The following ALS2 variants were observed in gnomAD, a reference collection of about 807,000 sequenced individuals.
The protein encoded by ALS2 is alsin.
Under a neutral mutation model 203.4 loss-of-function variants are expected in ALS2, and 117 were observed. The observed-to-expected ratio is 0.58, with a 90% CI of 0.50 to 0.67. The LOEUF (loss-of-function observed/expected upper bound fraction) is 0.67. Ranked by LOEUF, ALS2 falls within the 30% of genes least tolerant of loss-of-function variation. The pLI is 0.00. For synonymous variants in ALS2, 718 were observed against 725.9 expected, an observed-to-expected ratio of 0.99 and a Z score of 0.17; for missense variants, 1,715 against 1,989.4, an observed-to-expected ratio of 0.86 and a Z score of 2.62.
chr2:201,742,901 G>A (rs891734998), intron 10 of ALS2, among the ~76,000 whole-genome samples: 15 of 151,818 alleles, frequency 9.9e-5, no homozygotes, highest in African/African-American at 3.1e-4. Context: ...GCAAAACCCC[G>A]TCTCTATTAA....
chr2:201,753,467 T>A (rs1574769510), intron 6 of ALS2, among the ~76,000 whole-genome samples: 1 of 152,352 alleles, frequency 6.6e-6, no homozygotes, highest in East Asian at 1.9e-4. Context: ...TAATTTAGAA[T>A]CTGTTAAGAA....
At chr2:201,738,269 G>C (rs537504851) in intron 12 of ALS2, among the ~76,000 whole-genome samples, 7 of 152,208 alleles carry the variant, frequency 4.6e-5, no homozygotes, top group Admixed American at 3.3e-4. Flanking sequence ...TATTTACCCA[G>C]AAGCTAAATG....
intron 25 of ALS2, among the ~76,000 whole-genome samples, chr2:201,712,167 T>C (rs930520860): frequency 6.6e-5 from 10 of 152,256 alleles, no homozygotes; most frequent in Admixed American, 6.5e-4. Context: ...TATGGTTTAC[T>C]TTAAGTATCA....
Position 201,728,516 on chromosome 2 carries a change from G to C in ALS2, c.2837C>G (p.Ala946Gly), listed in dbSNP as rs781244061. Residue 946 changes from alanine to glycine, a missense_variant, in exon 15 of 34, where the codon GCC (alanine) becomes GGC (glycine). By Grantham distance (60) the Ala-to-Gly change is moderately conservative. Coordinates refer to ENST00000264276, the MANE Select transcript of ALS2 (RefSeq NM_020919.4). The stretch of plus-strand genomic sequence containing the variant: ...AAGGTTAGGAATCCAGCCTACCTGG[G>C]CATGGACCAGGGCATCATTAAAGAG... ...FILFNDALVH[A>G]QFSTHHVFPL... 13 of 1,613,926 alleles carry C rather than the reference G, an allele frequency of 8.1e-6. No homozygotes were observed. Among genetic ancestry groups the C allele is most frequent in the African/African-American group, 1.3e-5 (1 of 74,922 alleles).
intron 1 of ALS2, among the ~76,000 whole-genome samples, chr2:201,770,449 CA>C (rs1694324095): frequency 2.8e-5 from 1 of 35,864 alleles, no homozygotes; most frequent in Non-Finnish European, 7.6e-5. Flanking sequence ...CACCACCACT[CA>C]TTTTTTTTTT....
intron 10 of ALS2, 108 bp downstream of exon 10, chr2:201,744,150 A>G: frequency 8.0e-7 from 1 of 1,247,538 alleles, no homozygotes; most frequent in Non-Finnish European, 1.2e-6. Flanking sequence ...AAGACAGTGC[A>G]TAGCAAGAAG....
chr2:201,741,483 T>C, intron 11 of ALS2, 191 bp downstream of exon 11: 2 of 583,340 alleles, frequency 3.4e-6, no homozygotes, highest in South Asian at 4.1e-5. Flanking sequence ...TATTTTTAAA[T>C]TTTTTTTCAT....
intron 7 of ALS2, among the ~76,000 whole-genome samples, chr2:201,751,067 G>A (rs902988680): frequency 4.6e-5 from 7 of 151,968 alleles, no homozygotes; most frequent in Non-Finnish European, 7.4e-5. Context: ...TGGCCAGGCT[G>A]GTCTTGAACT....
chr2:201,713,403 C>T (rs984892190), intron 25 of ALS2, among the ~76,000 whole-genome samples: 10 of 152,184 alleles, frequency 6.6e-5, no homozygotes, highest in African/African-American at 2.2e-4. Context: ...ATTACAGGTG[C>T]ATGCCACCAT....
rs7593699 is a variant in ALS2, at chr2:201,733,205, G to T, written c.2580+71C>A. 145 of 1,492,296 alleles carry T rather than the reference G, an allele frequency of 9.7e-5. No homozygotes were observed. The African/African-American group carries it at 1.9e-3, about 19-fold the overall frequency. The allele number at this position is 1,492,296 out of a possible 1,614,324, so 92.4% of individuals were successfully genotyped here. A position where few individuals can be genotyped will look rare whatever the true frequency, so the allele number is the denominator to read the frequency against. ...TTACTGGAGTTCCAGATCTTGTGGT[G>T]GCATAATCCATACAAACAACTATGA... On this transcript the variant is annotated intron_variant, in intron 13 of 33. Transcript: ENST00000264276.
rs529340426 is a variant in ALS2 at position 201,730,726 on chromosome 2, A to C, written c.2581-1543T>G. Among the ~76,000 whole-genome samples the C allele has an allele frequency of 3.3e-5, 5 of 152,336 alleles. No homozygotes were observed. In the East Asian group the frequency reaches 9.6e-4, roughly 29 times the overall value. ...TCTTGAAAAACTGCCACACTTCAGC[A>C]TGCAGCAGAGCTGCTTTACATGTAC... On this transcript the variant is annotated intron_variant, in intron 13 of 33. Transcript: ENST00000264276.
At chr2:201,719,665 C>A (rs759130076) in intron 23 of ALS2, among the ~76,000 whole-genome samples, 10 of 152,312 alleles carry the variant, frequency 6.6e-5, no homozygotes, top group Middle Eastern at 3.4e-3. Context: ...GCCCTTCCAT[C>A]TTTTGCTATG....
chr2:201,756,413 G>A (rs1432424426), intron 5 of ALS2, among the ~76,000 whole-genome samples: 1 of 152,078 alleles, frequency 6.6e-6, no homozygotes, highest in African/African-American at 2.4e-5. Context: ...TGTTCAGTAA[G>A]TAGAACAAGG....
intron 5 of ALS2, 36 bp downstream of exon 5, chr2:201,757,366 C>T: frequency 1.9e-6 from 3 of 1,578,472 alleles, no homozygotes; most frequent in Non-Finnish European, 2.6e-6. Flanking sequence ...CTGGATTCCC[C>T]AAAAGTCAAT....
rs1428463924 is a variant in ALS2, at chr2:201,726,536, A to G, written c.3196T>C (p.Trp1066Arg). 1 of 1,614,004 alleles carries G rather than the reference A, an allele frequency of 6.2e-7. No homozygotes were observed. The highest frequency in any genetic ancestry group is 1.7e-5 in the Admixed American group (1 of 60,004). Residue 1066 changes from tryptophan to arginine, a missense_variant, in exon 19 of 34, where the codon TGG (tryptophan) becomes CGG (arginine). This residue lies in a region of ALS2 where 1,227 missense variants were observed against 1,413.5 expected (regional missense o/e 0.87). Coordinates refer to ENST00000264276, the MANE Select transcript of ALS2 (RefSeq NM_020919.4). Reference sequence around the variant, plus strand: ...CCAGAATACATCTTTCCATCAGGCCACTTCAAAACCCCTCTGGAATGCATA... The same window carrying G: ...CCAGAATACATCTTTCCATCAGGCCGCTTCAAAACCCCTCTGGAATGCATA... Reference protein sequence around the residue: ...GKPHGRGVLKWPDGKMYSGMF... With the variant: ...GKPHGRGVLKRPDGKMYSGMF...
At position 201,705,406 on chromosome 2, in the gene ALS2, T is replaced by C. The variant is rs1366207920; in HGVS notation, c.4626+10A>G. The C allele has an allele frequency of 2.2e-5, 35 of 1,613,218 alleles. No individual in the cohort carries two copies. Among genetic ancestry groups the C allele is most frequent in the Non-Finnish European group, 3.0e-5 (35 of 1,179,408 alleles). On this transcript the variant is annotated intron_variant, in intron 30 of 33. Transcript: ENST00000264276. Reference sequence around the variant, plus strand: ...AGCATATTTGCTGAGGAAAAGAAAATCTACTATACCTTTTTACTCTCTCCA... The same window carrying C: ...AGCATATTTGCTGAGGAAAAGAAAACCTACTATACCTTTTTACTCTCTCCA...
At chr2:201,703,857 T>C (rs1206404181) in intron 33 of ALS2, among the ~76,000 whole-genome samples, 2 of 152,234 alleles carry the variant, frequency 1.3e-5, no homozygotes, top group African/African-American at 2.4e-5. Flanking sequence ...ATTATTTATA[T>C]AAATGTAAAC....
At position 201,746,632 on chromosome 2, in the gene ALS2, T is replaced by G; in HGVS notation, c.1932A>C (p.Thr644=). 2 of 1,614,186 alleles carry G rather than the reference T, an allele frequency of 1.2e-6. No individual in the cohort carries two copies. Among genetic ancestry groups the G allele is most frequent in the South Asian group, 2.2e-5 (2 of 91,078 alleles). ...GATTCTCTGGAAGGTTGTCACCTTC[T>G]GTAGGGTCCTGTCGGCCACTGTAAT... ...GLYYSGRQDP[T]EGDNLPENHS... Residue 644 remains threonine (T), a synonymous_variant, in exon 9 of 34, where the codon ACA becomes ACC. Coordinates refer to ENST00000264276, the MANE Select transcript of ALS2 (RefSeq NM_020919.4).
intron 1 of ALS2, among the ~76,000 whole-genome samples, chr2:201,771,076 T>A (rs1488399178): frequency 1.4e-5 from 2 of 146,570 alleles, no homozygotes; most frequent in Non-Finnish European, 3.0e-5. Context: ...GACGGAGTTT[T>A]GCTCTTGTCA....
Sources: allele counts gnomAD v4.1 joint callset (sites outside exome capture counted in the v4.1 genomes callset), GRCh38; gene constraint gnomAD v4.1.1; regional missense constraint gnomAD v4.1.1; transcripts MANE v1.5; gene names NCBI Gene and HGNC (gene_info 2026-07-23, HGNC 2026-07-21).